The following KIF13A variants were observed in gnomAD, a reference collection of about 807,000 sequenced individuals.
The protein encoded by KIF13A is kinesin-like protein KIF13A.
Under a neutral mutation model 212.2 loss-of-function variants are expected in KIF13A, and 79 were observed. The observed-to-expected ratio is 0.37, with a 90% confidence interval of 0.31 to 0.45. The LOEUF is 0.45. Ranked by LOEUF, KIF13A falls within the 20% of genes least tolerant of loss-of-function variation. The probability of loss-of-function intolerance (pLI) is 1.00; values close to 1 mark genes in which losing one functional copy is unlikely to be tolerated. For missense variants in KIF13A, 1,901 were observed against 2,209.0 expected (o/e 0.86, Z 2.79); for synonymous variants, 789 against 808.6 (o/e 0.98, Z 0.41).
intron 13 of KIF13A, among the ~76,000 whole-genome samples, chr6:17,830,110 C>T (rs1489665951): frequency 6.6e-6 from 1 of 152,196 alleles, no homozygotes; most frequent in Non-Finnish European, 1.5e-5. Context: ...TGTCCTAAAT[C>T]AATGTCAATC....
At chr6:17,784,373 G>A (rs9383323) in intron 28 of KIF13A, among the ~76,000 whole-genome samples, 24,369 of 151,980 alleles carry the variant, frequency 0.16, 2,301 homozygotes, top group Middle Eastern at 0.25. Flanking sequence ...CACCAAGATC[G>A]TGCCACTGGT....
In KIF13A at chr6:17,947,335, C is replaced by A. The variant is rs59419809; in HGVS notation, c.146+39719G>T. ...GTTATATACTTCTTTATTATACATG[C>A]AATGAATTTTTTAAATAAAGCAAAT... On this transcript the variant is annotated intron_variant, in intron 2 of 38. Transcript: ENST00000259711. The surrounding 1 kb of genome is among the most constrained non-coding windows in gnomAD (Gnocchi z 4.6). Among the ~76,000 whole-genome samples, 5,060 of 152,028 alleles carry A rather than the reference C, an allele frequency of 0.033. 193 individuals carry two copies. The highest frequency in any genetic ancestry group is 0.088 in the African/African-American group (3,636 of 41,458).
intron 30 of KIF13A, 121 bp from the exon 31 acceptor site, chr6:17,781,027 C>T: frequency 7.3e-7 from 1 of 1,363,650 alleles, no homozygotes; most frequent in East Asian, 2.3e-5. Context: ...GATTTCTTTC[C>T]TCACCTTTTT....
rs192244902 is a variant in KIF13A at position 17,763,871 on chromosome 6, A to G, written c.*239T>C. ...ATGAATATGAGATTGATCCTTATCC[A>G]TCTGAACACTTCATTCAACACCAAC... On this transcript the variant is annotated 3_prime_UTR_variant, in exon 39 of 39. Transcript: ENST00000259711. 1.5e-3 allele frequency: 2,079 copies of G among 1,385,596 alleles called. 3 individuals are homozygous for G. The highest frequency in any genetic ancestry group is 1.8e-3 in the Non-Finnish European group (1,938 of 1,071,462). 85.8% of individuals were successfully genotyped at this position (1,385,596 alleles called of 1,614,324 possible).
rs1343369845 is a variant in KIF13A, at chr6:17,963,148, T to C, written c.146+23906A>G. ...GTGTCATGTGAAAGGCTGGGTGCGG[T>C]GGCTCATGCCTGTAATCCCAGCACT... On this transcript the variant is annotated intron_variant, in intron 2 of 38. Coordinates refer to ENST00000259711, the MANE Select transcript of KIF13A (RefSeq NM_022113.6). This position sits in a 1 kb window ranked among gnomAD's most constrained non-coding sequence, Gnocchi z 4.1. Among the ~76,000 whole-genome samples, 2 of 152,190 alleles carry C rather than the reference T, an allele frequency of 1.3e-5. No individual in the cohort carries two copies. The highest frequency in any genetic ancestry group is 3.9e-4 in the East Asian group (2 of 5,192).
chr6:17,770,316 A>G (rs1274070331), intron 38 of KIF13A: 1 of 148,384 alleles, frequency 6.7e-6, no homozygotes, highest in Non-Finnish European at 1.5e-5. Context: ...GTGAAAGCTG[A>G]GACAAAAATT....
chr6:17,973,918 G>A (rs1780041395), intron 2 of KIF13A, among the ~76,000 whole-genome samples: 1 of 152,184 alleles, frequency 6.6e-6, no homozygotes, highest in African/African-American at 2.4e-5. Context: ...AAGAACCTGT[G>A]CCTTCTAACA....
chr6:17,956,678 A>T (rs1386494666), intron 2 of KIF13A, among the ~76,000 whole-genome samples: 1 of 152,150 alleles, frequency 6.6e-6, no homozygotes. Context: ...AGGAGGCCTC[A>T]GGGAATAGAT....
chr6:17,929,466 T>C (rs1225475881), intron 2 of KIF13A, among the ~76,000 whole-genome samples: 11 of 151,658 alleles, frequency 7.3e-5, no homozygotes, highest in African/African-American at 2.4e-4. Flanking sequence ...AGTGGCACGA[T>C]CTTGGCTCAC....
chr6:17,842,000 C>CATGTAAGTACATGTAT (rs1491577539), intron 9 of KIF13A, among the ~76,000 whole-genome samples: 1 of 143,712 alleles, frequency 7.0e-6, no homozygotes. Context: ...TATACACATA[C>CATGTAAGTACATGTAT]GTGTGTGTGT....
intron 3 of KIF13A, among the ~76,000 whole-genome samples, chr6:17,894,507 T>C (rs2150476527): frequency 6.6e-6 from 1 of 152,230 alleles, no homozygotes; most frequent in East Asian, 1.9e-4. Context: ...ATCATGACTT[T>C]TTTTTTTACA....
Position 17,849,785 on chromosome 6 carries a change from A to G in KIF13A, c.718-296T>C, listed in dbSNP as rs1767450334. On this transcript the variant is annotated intron_variant, in intron 8 of 38. Coordinates refer to ENST00000259711, the MANE Select transcript of KIF13A (RefSeq NM_022113.6). This position sits in a 1 kb window ranked among gnomAD's most constrained non-coding sequence, Gnocchi z 5.7. The stretch of plus-strand genomic sequence containing the variant: ...AATGCCTATGAGGAGATATGAGGAC[A>G]TGAGGATTTCTGCACATTCAAGTCA... Among the ~76,000 whole-genome samples, 1 of 152,236 alleles carries G rather than the reference A, an allele frequency of 6.6e-6. No individual in the cohort carries two copies. The highest frequency in any genetic ancestry group is 1.5e-5 in the Non-Finnish European group (1 of 68,044).
chr6:17,823,394 T>C (rs1764643448), intron 16 of KIF13A, among the ~76,000 whole-genome samples: 1 of 148,286 alleles, frequency 6.7e-6, no homozygotes, highest in Non-Finnish European at 1.5e-5. Flanking sequence ...TGGCTGTCTT[T>C]CTCTCTCTCT....
intron 2 of KIF13A, among the ~76,000 whole-genome samples, chr6:17,930,549 C>T (rs1775901154): frequency 6.6e-6 from 1 of 152,220 alleles, no homozygotes; most frequent in Non-Finnish European, 1.5e-5. Context: ...TGCCTGACCT[C>T]AGAGTTCATA....
chr6:17,934,779 CCT>C lies in KIF13A; in HGVS notation c.147-36601_147-36600del, dbSNP rs1776309828. Among the ~76,000 whole-genome samples, 1 of 122,350 alleles carries C rather than the reference CCT, an allele frequency of 8.2e-6. No homozygotes were observed. The highest frequency in any genetic ancestry group is 1.9e-5 in the Non-Finnish European group (1 of 52,644). 80.3% of individuals were successfully genotyped at this position (122,350 alleles called of 152,430 possible). A position where few individuals can be genotyped will look rare whatever the true frequency, so the allele number is the denominator to read the frequency against. ...TCCAGCCTGGGCAACCAAGCAATAC[CCT>C]GTCTCCAAAAAAAAAAAAAAGACAC... is the stretch of plus-strand genomic sequence containing the variant. On this transcript the variant is annotated intron_variant, in intron 2 of 38. Coordinates refer to ENST00000259711, the MANE Select transcript of KIF13A (RefSeq NM_022113.6). The surrounding 1 kb of genome is among the most constrained non-coding windows in gnomAD (Gnocchi z 5.4).
rs1384382283 is a variant in KIF13A, at chr6:17,883,367, A to T, written c.160-9930T>A. Among the ~76,000 whole-genome samples the T allele has an allele frequency of 2.0e-5, 3 of 151,362 alleles. No homozygotes were observed. The highest frequency in any genetic ancestry group is 1.9e-4 in the East Asian group (1 of 5,162). On this transcript the variant is annotated intron_variant, in intron 3 of 38. Coordinates refer to ENST00000259711, the MANE Select transcript of KIF13A (RefSeq NM_022113.6). This position sits in a 1 kb window ranked among gnomAD's most constrained non-coding sequence, Gnocchi z 4.8. ...CTCTAAAAAATAAAATAAAAATAAT[A>T]AAAAAAAATAAGGCAACTTCCTGGT...
chr6:17,860,164 G>A (rs1400290369), intron 4 of KIF13A, among the ~76,000 whole-genome samples: 1 of 152,006 alleles, frequency 6.6e-6, no homozygotes, highest in South Asian at 2.1e-4. Flanking sequence ...TTTACAGACT[G>A]TCAGAACTCA....
intron 20 of KIF13A, among the ~76,000 whole-genome samples, chr6:17,800,923 G>C (rs1451284404): frequency 6.6e-6 from 1 of 151,416 alleles, no homozygotes; most frequent in Non-Finnish European, 1.5e-5. Context: ...TAGTAAAGAC[G>C]GGCTTTCACC....
intron 2 of KIF13A, among the ~76,000 whole-genome samples, chr6:17,936,098 T>C (rs1428658384): frequency 1.3e-5 from 2 of 152,354 alleles, no homozygotes; most frequent in East Asian, 3.9e-4. Context: ...TTTGACATTA[T>C]CAGAACAATT....
Sources: allele counts gnomAD v4.1 joint callset (sites outside exome capture counted in the v4.1 genomes callset), GRCh38; gene constraint gnomAD v4.1.1; non-coding constraint Gnocchi (gnomAD v3.1); transcripts MANE v1.5; gene names NCBI Gene and HGNC (gene_info 2026-07-23, HGNC 2026-07-21).